Variants in PCDH9 observed in about 807,000 individuals in gnomAD.
PCDH9 encodes the protein protocadherin 9, also known as protocadherin-9.
A neutral mutation model predicts 70.6 loss-of-function variants in PCDH9; 24 were observed. The observed-to-expected ratio is 0.34, with a 90% CI of 0.25 to 0.48. The LOEUF is 0.48. Among genes scored for constraint, PCDH9 ranks in the 20% least tolerant of loss-of-function variants. The probability of loss-of-function intolerance (pLI) is 0.99; values close to 1 mark genes in which losing one functional copy is unlikely to be tolerated. For synonymous variants in PCDH9, 562 were observed against 558.5 expected (o/e 1.01, Z -0.09); for missense variants, 1,281 against 1,503.6 (o/e 0.85, Z 2.45).
chr13:66,477,304 A>T (rs1353114313), intron 4 of PCDH9, among the ~76,000 whole-genome samples: 1 of 152,150 alleles, frequency 6.6e-6, no homozygotes, highest in East Asian at 1.9e-4. Flanking sequence ...TATAAAACTG[A>T]ATAATAATAT....
rs545382189 is a variant in PCDH9, at chr13:66,648,800, A to G, written c.3139-17389T>C. Reference sequence around the variant, plus strand: ...TTCCAGACAGAGATTCAAAATAGCTATTTTTAGGAAAGTCAGTGAAATTCA... The same window carrying G: ...TTCCAGACAGAGATTCAAAATAGCTGTTTTTAGGAAAGTCAGTGAAATTCA... On this transcript the variant is annotated intron_variant, in intron 3 of 4. Transcript: ENST00000377865. Among the ~76,000 whole-genome samples, 5 of 152,300 alleles carry G rather than the reference A, an allele frequency of 3.3e-5. No homozygotes were observed. In the South Asian group the frequency reaches 1.0e-3, roughly 32 times the overall value.
chr13:67,032,061 T>G (rs1222564794), intron 2 of PCDH9, among the ~76,000 whole-genome samples: 1 of 152,238 alleles, frequency 6.6e-6, no homozygotes, highest in African/African-American at 2.4e-5. Context: ...TGCAATTAGC[T>G]ACTGAGCTTC....
Position 66,573,869 on chromosome 13 carries a change from C to T in PCDH9, c.3340+57341G>A, listed in dbSNP as rs77593787. ...ACCATCCCACTATCGGGTTCTTTTA[C>T]ATTATGGAGTGTTCAGTTAATTTTT... On this transcript the variant is annotated intron_variant, in intron 4 of 4. Coordinates refer to ENST00000377865, the MANE Select transcript of PCDH9 (RefSeq NM_203487.3). 4.4e-3 allele frequency among the ~76,000 whole-genome samples: 667 copies of T among 152,222 alleles called. 26 individuals are homozygous for T. In the East Asian group the frequency reaches 0.085, roughly 19 times the overall value.
intron 4 of PCDH9, among the ~76,000 whole-genome samples, chr13:66,621,935 G>A (rs1266643433): frequency 1.3e-5 from 2 of 152,228 alleles, no homozygotes; most frequent in South Asian, 2.1e-4. Flanking sequence ...TCAGCTTGCA[G>A]GGAGGTGTGG....
rs1366979387 is a variant in PCDH9, at chr13:67,119,835, G to A, written c.3036+105570C>T. On this transcript the variant is annotated intron_variant, in intron 2 of 4. Coordinates refer to ENST00000377865, the MANE Select transcript of PCDH9 (RefSeq NM_203487.3). ...CTTAGGGCTTTAGAGAATCGTGCAA[G>A]AATGGATAGAAAAATTCTGAGCCAG... 9.9e-5 allele frequency among the ~76,000 whole-genome samples: 15 copies of A among 152,276 alleles called. No homozygotes were observed. In the East Asian group the frequency reaches 2.9e-3, roughly 29 times the overall value.
intron 3 of PCDH9, among the ~76,000 whole-genome samples, chr13:66,685,973 G>A (rs2078395486): frequency 1.3e-5 from 2 of 152,178 alleles, no homozygotes. Context: ...GACTTGCCTT[G>A]TCTCAGATTA....
At chr13:66,588,599 G>A (rs942260025) in intron 4 of PCDH9, among the ~76,000 whole-genome samples, 8 of 151,526 alleles carry the variant, frequency 5.3e-5, no homozygotes, top group African/African-American at 1.9e-4. Context: ...AGTGCACAAG[G>A]AAATTTCTAA....
chr13:66,899,744 A>G (rs1184833518), intron 3 of PCDH9, among the ~76,000 whole-genome samples: 2 of 151,978 alleles, frequency 1.3e-5, no homozygotes, highest in Non-Finnish European at 2.9e-5. Context: ...TTTATGGCAT[A>G]AAAACAATGT....
intron 2 of PCDH9, among the ~76,000 whole-genome samples, chr13:67,072,575 A>G (rs1004255129): frequency 3.2e-4 from 49 of 152,236 alleles, no homozygotes; most frequent in African/African-American, 1.2e-3. Flanking sequence ...GATGCCAGCC[A>G]TGAACCTTGT....
At chr13:67,130,407 T>C (rs560675670) in intron 2 of PCDH9, among the ~76,000 whole-genome samples, 1 of 152,194 alleles carries the variant, frequency 6.6e-6, no homozygotes, top group African/African-American at 2.4e-5. Context: ...TTTTAACAGA[T>C]GAATTATCCA....
At chr13:67,145,973 C>T (rs1343449907) in intron 2 of PCDH9, among the ~76,000 whole-genome samples, 1 of 152,018 alleles carries the variant, frequency 6.6e-6, no homozygotes, top group Non-Finnish European at 1.5e-5. Context: ...ATCAGAAAGT[C>T]CTTTTCTCAA....
intron 2 of PCDH9, among the ~76,000 whole-genome samples, chr13:67,100,662 T>G (rs561210496): frequency 5.9e-5 from 9 of 152,228 alleles, no homozygotes; most frequent in Non-Finnish European, 1.3e-4. Flanking sequence ...CGTGCATTGC[T>G]CTTCTCTTCC....
chr13:67,044,247 A>G (rs1003435184), intron 2 of PCDH9, among the ~76,000 whole-genome samples: 1 of 152,132 alleles, frequency 6.6e-6, no homozygotes, highest in African/African-American at 2.4e-5. Flanking sequence ...CGAGAGAAAA[A>G]TGGAAAAAAG....
intron 2 of PCDH9, among the ~76,000 whole-genome samples, chr13:66,929,675 C>T (rs2082775016): frequency 6.6e-6 from 1 of 152,032 alleles, no homozygotes; most frequent in African/African-American, 2.4e-5. Context: ...AATTTGTACA[C>T]AAAAACACTC....
At chr13:66,364,875 C>A (rs907264300) in intron 4 of PCDH9, among the ~76,000 whole-genome samples, 1 of 152,078 alleles carries the variant, frequency 6.6e-6, no homozygotes, top group African/African-American at 2.4e-5. Flanking sequence ...ACTGCCAATG[C>A]GAACGGCAGA....
intron 3 of PCDH9, among the ~76,000 whole-genome samples, chr13:66,761,020 C>T (rs1420227746): frequency 6.6e-6 from 1 of 152,160 alleles, no homozygotes; most frequent in Non-Finnish European, 1.5e-5. Flanking sequence ...CCCAGCAGGA[C>T]ATGGACCTTC....
intron 3 of PCDH9, among the ~76,000 whole-genome samples, chr13:66,717,769 G>A (rs1325631953): frequency 2.0e-5 from 3 of 151,840 alleles, no homozygotes; most frequent in Admixed American, 1.3e-4. Flanking sequence ...TATTAACAAT[G>A]TCAACTCTTC....
chr13:66,807,815 CCTTT>C (rs1250849771), intron 3 of PCDH9, among the ~76,000 whole-genome samples: 1 of 152,126 alleles, frequency 6.6e-6, no homozygotes, highest in African/African-American at 2.4e-5. Flanking sequence ...AACTTATCGA[CCTTT>C]CTTTACTTTG....
chr13:67,203,543 G>A (rs936556938), intron 2 of PCDH9: 5 of 152,048 alleles, frequency 3.3e-5, no homozygotes, highest in African/African-American at 9.7e-5. Context: ...GCCTAAGTGA[G>A]CTGGGTCTGT....
Sources: allele counts gnomAD v4.1 joint callset (sites outside exome capture counted in the v4.1 genomes callset), GRCh38; gene constraint gnomAD v4.1.1; transcripts MANE v1.5; gene names NCBI Gene and HGNC (gene_info 2026-07-23, HGNC 2026-07-21).